The following KIRREL3 variants were observed in gnomAD, a reference collection of about 807,000 sequenced individuals.
KIRREL3 encodes the protein kirre like nephrin family adhesion molecule 3.
In KIRREL3, 36 loss-of-function variants were observed where a neutral mutation model predicts 89.7. The observed-to-expected ratio is 0.40, with a 90% CI of 0.31 to 0.53. The LOEUF is 0.53. Among genes scored for constraint, KIRREL3 ranks in the 20% least tolerant of loss-of-function variants. The pLI is 0.49. For synonymous variants in KIRREL3, 445 were observed against 441.4 expected (o/e 1.01, Z -0.10); for missense variants, 864 against 1,056.6 (o/e 0.82, Z 2.53).
intron 1 of KIRREL3, among the ~76,000 whole-genome samples, chr11:126,749,401 A>C (rs1303510048): frequency 6.6e-6 from 1 of 152,076 alleles, no homozygotes; most frequent in African/African-American, 2.4e-5. Flanking sequence ...GCGTGGTTCA[A>C]GTTACCCCAT....
intron 7 of KIRREL3, among the ~76,000 whole-genome samples, chr11:126,450,202 T>G (rs1320310005): frequency 6.6e-6 from 1 of 151,084 alleles, no homozygotes; most frequent in African/African-American, 2.5e-5. Flanking sequence ...TGTGTGTTCA[T>G]GTGAATGTGT....
chr11:126,666,389 C>G lies in KIRREL3; in HGVS notation c.56-103477G>C, dbSNP rs1438028122. Among the ~76,000 whole-genome samples the G allele has an allele frequency of 6.6e-6, 1 of 152,082 alleles. No homozygotes were observed. Among genetic ancestry groups the G allele is most frequent in the Non-Finnish European group, 1.5e-5 (1 of 68,030 alleles). On this transcript the variant is annotated intron_variant, in intron 1 of 16. Transcript: ENST00000525144. This position sits in a 1 kb window ranked among gnomAD's most constrained non-coding sequence, Gnocchi z 4.2. ...GGAGAAAGAAAAAGTGGGGGTAATC[C>G]ACCAACTGTCTAACCATTTCCTGAA...
Position 126,708,613 on chromosome 11 carries a change from C to T in KIRREL3, c.56-145701G>A, listed in dbSNP as rs960801675. Among the ~76,000 whole-genome samples the T allele has an allele frequency of 3.3e-5, 5 of 152,156 alleles. No individual in the cohort carries two copies. The highest frequency in any genetic ancestry group is 1.2e-4 in the African/African-American group (5 of 41,440). On this transcript the variant is annotated intron_variant, in intron 1 of 16. Transcript: ENST00000525144. This position sits in a 1 kb window ranked among gnomAD's most constrained non-coding sequence, Gnocchi z 5.7. ...GAAGGAAGGAGGGCGTTCGGCTCAA[C>T]GTCCAGGAGAGGCACCGGCGAACTC...
rs1565376290 is a variant in KIRREL3, at chr11:126,877,903, T to C, written c.55+122552A>G. On this transcript the variant is annotated intron_variant, in intron 1 of 16. Coordinates refer to ENST00000525144, the MANE Select transcript of KIRREL3 (RefSeq NM_032531.4). The surrounding 1 kb of genome is among the most constrained non-coding windows in gnomAD (Gnocchi z 4.9). ...AATAGGTGCAAAAACAGTTGCAGCG[T>C]GTTAAGGCTGGAACTCCCCCCTAGA... Among the ~76,000 whole-genome samples the C allele has an allele frequency of 6.6e-6, 1 of 152,154 alleles. No individual in the cohort carries two copies. Among genetic ancestry groups the C allele is most frequent in the African/African-American group, 2.4e-5 (1 of 41,448 alleles).
At position 126,536,843 on chromosome 11, in the gene KIRREL3, C is replaced by T. The variant is rs762101040; in HGVS notation, c.134-10156G>A. On this transcript the variant is annotated intron_variant, in intron 2 of 16. Transcript: ENST00000525144. ...TATTTTTAGTAGAGACAGGGTTTCA[C>T]CAAGTTGACCAGGCCAGTCTCGAAC... Among the ~76,000 whole-genome samples, 4 of 152,186 alleles carry T rather than the reference C, an allele frequency of 2.6e-5. No homozygotes were observed. In the South Asian group the frequency reaches 8.3e-4, roughly 32 times the overall value.
chr11:126,861,356 A>G (rs1280886027), intron 1 of KIRREL3, among the ~76,000 whole-genome samples: 1 of 152,242 alleles, frequency 6.6e-6, no homozygotes, highest in African/African-American at 2.4e-5. Context: ...AAGACCACCC[A>G]GTGGGAACTG....
chr11:126,911,328 T>G (rs1236902922), intron 1 of KIRREL3, among the ~76,000 whole-genome samples: 1 of 152,090 alleles, frequency 6.6e-6, no homozygotes, highest in Non-Finnish European at 1.5e-5. Context: ...ACACTGACAT[T>G]TGTCTAATTA....
chr11:126,546,956 T>TA (rs2134514273), intron 2 of KIRREL3, among the ~76,000 whole-genome samples: 1 of 152,340 alleles, frequency 6.6e-6, no homozygotes, highest in South Asian at 2.1e-4. Flanking sequence ...AACTAATTTT[T>TA]AAAAAACATT....
At chr11:126,759,589 G>T (rs146411843) in intron 1 of KIRREL3, among the ~76,000 whole-genome samples, 5 of 152,270 alleles carry the variant, frequency 3.3e-5, no homozygotes, top group Admixed American at 2.0e-4. Flanking sequence ...ACGTAGCATC[G>T]TGCTGGCCAG....
In KIRREL3 at chr11:126,683,678, A is replaced by G. The variant is rs1946556237; in HGVS notation, c.56-120766T>C. On this transcript the variant is annotated intron_variant, in intron 1 of 16. Transcript: ENST00000525144. The surrounding 1 kb of genome is among the most constrained non-coding windows in gnomAD (Gnocchi z 5.2). ...TAAGGATCACAGAGACCTCAGGAAC[A>G]TGGCTCTGAAGGATAGAAGCTGAAA... Among the ~76,000 whole-genome samples, 1 of 152,214 alleles carries G rather than the reference A, an allele frequency of 6.6e-6. No individual in the cohort carries two copies. The highest frequency in any genetic ancestry group is 1.5e-5 in the Non-Finnish European group (1 of 68,042).
intron 1 of KIRREL3, among the ~76,000 whole-genome samples, chr11:126,707,119 AT>A (rs1269040160): frequency 6.6e-6 from 1 of 151,806 alleles, no homozygotes; most frequent in Non-Finnish European, 1.5e-5. Context: ...ACATTGGCTA[AT>A]TTTTAAATTT....
At chr11:126,583,780 C>T (rs1941681421) in intron 1 of KIRREL3, among the ~76,000 whole-genome samples, 1 of 152,150 alleles carries the variant, frequency 6.6e-6, no homozygotes, top group Non-Finnish European at 1.5e-5. Context: ...GAGGCTCCTG[C>T]TGTCACGACC....
At chr11:126,450,587 A>G (rs188253769) in intron 7 of KIRREL3, among the ~76,000 whole-genome samples, 42 of 124,712 alleles carry the variant, frequency 3.4e-4, no homozygotes, top group Non-Finnish European at 1.0e-4. Context: ...GTGCATGTGC[A>G]TGTGTGCATG....
intron 1 of KIRREL3, among the ~76,000 whole-genome samples, chr11:126,840,060 T>C (rs1943913108): frequency 6.6e-6 from 1 of 152,178 alleles, no homozygotes; most frequent in Non-Finnish European, 1.5e-5. Flanking sequence ...GAGCGATACA[T>C]TAAAAAATAA....
In KIRREL3 at chr11:126,541,131, G is replaced by T. The variant is rs1049520028; in HGVS notation, c.134-14444C>A. ...TGGGCACCACCAGGAGAGGCTGGAG[G>T]CTAGGTCATGGATTGGCTGACTCCA... On this transcript the variant is annotated intron_variant, in intron 2 of 16. Coordinates refer to ENST00000525144, the MANE Select transcript of KIRREL3 (RefSeq NM_032531.4). This position sits in a 1 kb window ranked among gnomAD's most constrained non-coding sequence, Gnocchi z 4.8. 2.6e-5 allele frequency among the ~76,000 whole-genome samples: 4 copies of T among 152,202 alleles called. No homozygotes were observed. The South Asian group carries it at 8.3e-4, about 32-fold the overall frequency.
rs540845163 is a variant in KIRREL3, at chr11:126,930,907, A to T, written c.55+69548T>A. On this transcript the variant is annotated intron_variant, in intron 1 of 16. Transcript: ENST00000525144. Reference sequence around the variant, plus strand: ...CCAAGGTCCATTGCCTCCTCTGTACATGTTCCTCCTAGCTATCCTGAACGA... The same window carrying T: ...CCAAGGTCCATTGCCTCCTCTGTACTTGTTCCTCCTAGCTATCCTGAACGA... Among the ~76,000 whole-genome samples, 11 of 152,252 alleles carry T rather than the reference A, an allele frequency of 7.2e-5. 1 individual carries two copies. In the South Asian group the frequency reaches 2.3e-3, roughly 32 times the overall value.
rs549624544 is a variant in KIRREL3, at chr11:126,976,482, C to T, written c.55+23973G>A. Among the ~76,000 whole-genome samples, 46 of 152,168 alleles carry T rather than the reference C, an allele frequency of 3.0e-4. No individual in the cohort carries two copies. Among genetic ancestry groups the T allele is most frequent in the Admixed American group, 5.9e-4 (9 of 15,276 alleles). ...GAATCTACTGTCATCTACAATTTTA[C>T]TTTTTTAAAAAGTGTGACATTTTTC... On this transcript the variant is annotated intron_variant, in intron 1 of 16. Coordinates refer to ENST00000525144, the MANE Select transcript of KIRREL3 (RefSeq NM_032531.4). This position sits in a 1 kb window ranked among gnomAD's most constrained non-coding sequence, Gnocchi z 4.2.
rs1010313833 is a variant in KIRREL3, at chr11:126,492,871, G to A, written c.434-19405C>T. On this transcript the variant is annotated intron_variant, in intron 4 of 16. Coordinates refer to ENST00000525144, the MANE Select transcript of KIRREL3 (RefSeq NM_032531.4). The surrounding 1 kb of genome is among the most constrained non-coding windows in gnomAD (Gnocchi z 4.8). ...ATAGAGACCTCCAGGCAGATGGCAA[G>A]GTTGGTCTCCAGAAAAGACAGACCA... 6.6e-6 allele frequency among the ~76,000 whole-genome samples: 1 copy of A among 152,134 alleles called. No individual in the cohort carries two copies. Among genetic ancestry groups the A allele is most frequent in the Non-Finnish European group, 1.5e-5 (1 of 68,028 alleles).
intron 1 of KIRREL3, among the ~76,000 whole-genome samples, chr11:126,735,817 A>C (rs1174183680): frequency 6.6e-6 from 1 of 152,236 alleles, no homozygotes; most frequent in Non-Finnish European, 1.5e-5. Context: ...CCTTTCTCAG[A>C]TACGGCATTT....
Sources: allele counts gnomAD v4.1 joint callset (sites outside exome capture counted in the v4.1 genomes callset), GRCh38; gene constraint gnomAD v4.1.1; non-coding constraint Gnocchi (gnomAD v3.1); transcripts MANE v1.5; gene names NCBI Gene and HGNC (gene_info 2026-07-23, HGNC 2026-07-21).